The following USP38 variants were observed in gnomAD, a reference collection of about 807,000 sequenced individuals.
The protein encoded by USP38 is ubiquitin carboxyl-terminal hydrolase 38.
Under a neutral mutation model 94.3 loss-of-function variants are expected in USP38, and 49 were observed. That is an observed-to-expected ratio of 0.52 (90% CI 0.41 to 0.66). The LOEUF (loss-of-function observed/expected upper bound fraction) is 0.66. Ranked by LOEUF, USP38 falls within the 30% of genes least tolerant of loss-of-function variation. The pLI, the probability that USP38 is intolerant of heterozygous loss-of-function variation, is 0.00. For synonymous variants in USP38, 468 were observed against 463.6 expected (o/e 1.01, Z -0.12); for missense variants, 1,128 against 1,229.4 (o/e 0.92, Z 1.23).
At chr4:143,200,987 A>G (rs1731700358) in intron 4 of USP38, among the ~76,000 whole-genome samples, 1 of 152,214 alleles carries the variant, frequency 6.6e-6, no homozygotes, top group Admixed American at 6.5e-5. Context: ...ACTTCAATCA[A>G]ACTACCAATG....
In USP38 at chr4:143,220,496, A is replaced by G. The variant is rs778708313; in HGVS notation, c.*40A>G. On this transcript the variant is annotated 3_prime_UTR_variant, in exon 10 of 10. Coordinates refer to ENST00000307017, the MANE Select transcript of USP38 (RefSeq NM_032557.6). The stretch of plus-strand genomic sequence containing the variant: ...AAAATGCACTGGTCACGAAACGTCT[A>G]ATACTATGACTGTTAAAATGTCAGA... 1.4e-5 allele frequency: 22 copies of G among 1,554,086 alleles called. No individual in the cohort carries two copies. The highest frequency in any genetic ancestry group is 1.9e-5 in the Non-Finnish European group (22 of 1,149,326).
rs372235410 is a variant in USP38 at position 143,220,497 on chromosome 4, A to G, written c.*41A>G. On this transcript the variant is annotated 3_prime_UTR_variant, in exon 10 of 10. Transcript: ENST00000307017. ...AAATGCACTGGTCACGAAACGTCTA[A>G]TACTATGACTGTTAAAATGTCAGAC... 9.1e-5 allele frequency: 137 copies of G among 1,507,552 alleles called. No individual in the cohort carries two copies. In the African/African-American group the frequency reaches 1.8e-3, roughly 20 times the overall value. 93.4% of individuals were successfully genotyped at this position (1,507,552 alleles called of 1,614,324 possible).
At chr4:143,186,808 G>A (rs1189885545) in intron 1 of USP38, among the ~76,000 whole-genome samples, 1 of 152,200 alleles carries the variant, frequency 6.6e-6, no homozygotes, top group Non-Finnish European at 1.5e-5. Context: ...AATTTTACCA[G>A]TACCTCTACC....
At position 143,221,016 on chromosome 4, in the gene USP38, T is replaced by C. The variant is rs1732311308; in HGVS notation, c.*560T>C. On this transcript the variant is annotated 3_prime_UTR_variant, in exon 10 of 10. Coordinates refer to ENST00000307017, the MANE Select transcript of USP38 (RefSeq NM_032557.6). Reference sequence around the variant, plus strand: ...AGTGTCTTCAGCATCACTGTGTCTGTATTTCAAGTACAAATGTTTTTAAAA... The same window carrying C: ...AGTGTCTTCAGCATCACTGTGTCTGCATTTCAAGTACAAATGTTTTTAAAA... The C allele has an allele frequency of 6.6e-6, 1 of 152,586 alleles. No individual in the cohort carries two copies. Among genetic ancestry groups the C allele is most frequent in the Admixed American group, 6.6e-5 (1 of 15,264 alleles). The allele number at this position is 152,586 out of a possible 1,614,324, so 9.5% of individuals were successfully genotyped here. A position where few individuals can be genotyped will look rare whatever the true frequency, so the allele number is the denominator to read the frequency against.
chr4:143,203,643 C>G, intron 5 of USP38, 77 bp downstream of exon 5: 1 of 1,434,042 alleles, frequency 7.0e-7, no homozygotes, highest in South Asian at 1.3e-5. Flanking sequence ...ACCAGCTACT[C>G]AATTTACTAT....
At position 143,205,202 on chromosome 4, in the gene USP38, T is replaced by C. The variant is rs538717252; in HGVS notation, c.1210-831T>C. On this transcript the variant is annotated intron_variant, in intron 5 of 9. Coordinates refer to ENST00000307017, the MANE Select transcript of USP38 (RefSeq NM_032557.6). ...ACTCATATAGGCTCAGAAGAAACAA[T>C]GGGCTCGCTCTAAGCCCAAAGAAAG... is the stretch of plus-strand genomic sequence containing the variant. 4.6e-5 allele frequency among the ~76,000 whole-genome samples: 7 copies of C among 152,326 alleles called. No homozygotes were observed. The East Asian group carries it at 1.2e-3, about 25-fold the overall frequency.
chr4:143,185,493 C>T lies in USP38; in HGVS notation c.43C>T (p.Leu15=), dbSNP rs1281948016. 6 of 1,607,248 alleles carry T rather than the reference C, an allele frequency of 3.7e-6. No individual in the cohort carries two copies. In the African/African-American group the frequency reaches 4.0e-5, roughly 11 times the overall value. The stretch of plus-strand genomic sequence containing the variant: ...GGGCCTTGTGAGTTCCTCGCATCCC[C>T]TGCCCCTCAAGCGGGTGATTGTGCG... ...LEGLVSSSHP[L]PLKRVIVRKV... is the part of the protein sequence containing the mutation. Residue 15 remains leucine, a synonymous_variant, in exon 1 of 10, where the codon CTG becomes TTG. Transcript: ENST00000307017.
At chr4:143,210,900 T>C (rs1280514016) in intron 7 of USP38, among the ~76,000 whole-genome samples, 1 of 151,988 alleles carries the variant, frequency 6.6e-6, no homozygotes, top group Non-Finnish European at 1.5e-5. Context: ...TAATGGCCTA[T>C]GAGTAGTTAT....
Position 143,186,141 on chromosome 4 carries a change from C to A in USP38, c.682+9C>A. ...AAGCATCTCTTCCACAGGTAAGGGT[C>A]ATTATCTTTCAGAATATCTCATAAA... On this transcript the variant is annotated intron_variant, in intron 1 of 9. Coordinates refer to ENST00000307017, the MANE Select transcript of USP38 (RefSeq NM_032557.6). 6.2e-6 allele frequency: 10 copies of A among 1,610,466 alleles called. No homozygotes were observed. Among genetic ancestry groups the A allele is most frequent in the South Asian group, 2.2e-5 (2 of 90,718 alleles).
At chr4:143,189,179 G>C (rs138636877) in intron 2 of USP38, among the ~76,000 whole-genome samples, 2 of 152,100 alleles carry the variant, frequency 1.3e-5, no homozygotes, top group East Asian at 3.9e-4. Context: ...TAGCAAACCT[G>C]TGGATATCTG....
In USP38 at chr4:143,214,626, G is replaced by C. The variant is rs750175398; in HGVS notation, c.2650G>C (p.Ala884Pro). The C allele has an allele frequency of 2.5e-6, 4 of 1,613,488 alleles. No homozygotes were observed. The highest frequency in any genetic ancestry group is 1.7e-5 in the Admixed American group (1 of 59,882). ...MYHQSEALAL[A>P]SSQSHLLGRD... ...CCACCAGTCTGAGGCTCTGGCATTAGCATCCTCCCAGAGTCATTTACTAGG... is the reference window on the plus strand; with the variant it reads ...CCACCAGTCTGAGGCTCTGGCATTACCATCCTCCCAGAGTCATTTACTAGG... The change falls in exon 9 of 10, where the codon GCA becomes CCA. Residue 884 changes from alanine (A) to proline (P), a missense_variant. Physicochemically the swap from Ala to Pro is conservative, Grantham distance 27. Transcript: ENST00000307017.
At position 143,221,856 on chromosome 4, in the gene USP38, T is replaced by C. The variant is rs1312671064; in HGVS notation, c.*1400T>C. 1.3e-5 allele frequency: 2 copies of C among 152,264 alleles called. No homozygotes were observed. Among genetic ancestry groups the C allele is most frequent in the East Asian group, 3.9e-4 (2 of 5,194 alleles). 9.4% of individuals were successfully genotyped at this position (152,264 alleles called of 1,614,324 possible). A position where few individuals can be genotyped will look rare whatever the true frequency, so the allele number is the denominator to read the frequency against. On this transcript the variant is annotated 3_prime_UTR_variant, in exon 10 of 10. Coordinates refer to ENST00000307017, the MANE Select transcript of USP38 (RefSeq NM_032557.6). ...GGTTAAAAAACAGAAATCCTCATGT[T>C]TATTCCATTACCTCCCATTCCTAAC...
intron 1 of USP38, among the ~76,000 whole-genome samples, chr4:143,187,387 A>AT (rs1267829485): frequency 2.6e-5 from 4 of 152,166 alleles, no homozygotes; most frequent in African/African-American, 4.8e-5. Flanking sequence ...ACTTTAAGAG[A>AT]TTTTTTCAAA....
chr4:143,196,793 T>C lies in USP38; in HGVS notation c.948+948T>C, dbSNP rs139800447. On this transcript the variant is annotated intron_variant, in intron 3 of 9. Transcript: ENST00000307017. ...CTTTACATGAATCTCAGATTCACTT[T>C]ATCTACAATCTTATTCCTGACTTTT... Among the ~76,000 whole-genome samples the C allele has an allele frequency of 1.1e-4, 16 of 152,354 alleles. No homozygotes were observed. In the East Asian group the frequency reaches 2.9e-3, roughly 28 times the overall value.
chr4:143,206,591 G>A (rs1039832559), intron 6 of USP38, among the ~76,000 whole-genome samples: 7 of 152,318 alleles, frequency 4.6e-5, no homozygotes, highest in African/African-American at 1.7e-4. Flanking sequence ...TCGGGAGGCT[G>A]AGGCAGGAGA....
intron 5 of USP38, among the ~76,000 whole-genome samples, 154 bp from the exon 6 acceptor site, chr4:143,205,879 A>G (rs1731846158): frequency 6.6e-6 from 1 of 152,220 alleles, no homozygotes; most frequent in South Asian, 2.1e-4. Context: ...TATTTTCATG[A>G]CTAGCCAAGT....
At chr4:143,203,870 G>T (rs756285757) in intron 5 of USP38, among the ~76,000 whole-genome samples, 12 of 152,080 alleles carry the variant, frequency 7.9e-5, no homozygotes, top group Non-Finnish European at 1.5e-4. Flanking sequence ...GCATACATCA[G>T]ATTTGCACCC....
At chr4:143,198,481 T>C (rs1278181213) in intron 4 of USP38, among the ~76,000 whole-genome samples, 2 of 152,212 alleles carry the variant, frequency 1.3e-5, no homozygotes, top group Admixed American at 1.3e-4. Flanking sequence ...TAGGGCATCA[T>C]AGGAAAACAG....
At chr4:143,191,200 A>G (rs979408581) in intron 2 of USP38, among the ~76,000 whole-genome samples, 8 of 152,200 alleles carry the variant, frequency 5.3e-5, no homozygotes, top group African/African-American at 1.7e-4. Context: ...GATCATGTTT[A>G]TAGTCATTTT....
Sources: gnomAD v4.1 joint callset for allele counts (sites outside exome capture counted in the v4.1 genomes callset) on GRCh38, gnomAD v4.1.1 for gene constraint, MANE v1.5 for transcripts, NCBI Gene and HGNC (gene_info 2026-07-23, HGNC 2026-07-21) for gene names.